Variants in CNBD1 observed in about 807,000 individuals in gnomAD.
CNBD1 encodes cyclic nucleotide binding domain containing 1.
A neutral mutation model predicts 54.4 loss-of-function variants in CNBD1; 71 were observed. That is an observed-to-expected ratio of 1.30 (90% CI 1.08 to 1.59). The LOEUF (loss-of-function observed/expected upper bound fraction) is 1.59. CNBD1 is among the 40% of genes most tolerant of loss of function. The pLI is 0.00. For missense variants in CNBD1, 659 were observed against 518.0 expected (o/e 1.27, Z -2.64); for synonymous variants, 182 against 170.7 (o/e 1.07, Z -0.51).
intron 4 of CNBD1, among the ~76,000 whole-genome samples, chr8:87,171,634 TTC>T (rs772260074): frequency 6.6e-6 from 1 of 151,866 alleles, no homozygotes; most frequent in Non-Finnish European, 1.5e-5. Context: ...CTTTTTCTTT[TTC>T]TTTCTTTTTT....
At position 86,916,484 on chromosome 8, in the gene CNBD1, T is replaced by G. The variant is rs1177652206; in HGVS notation, c.272+11290T>G. ...GCACAGTGTGTTTACTAGAGTTGTA[T>G]GCGTGCTCTCTTGAGGCATTCTTCC... On this transcript the variant is annotated intron_variant, in intron 3 of 10. Transcript: ENST00000518476. Among the ~76,000 whole-genome samples the G allele has an allele frequency of 3.3e-5, 5 of 152,150 alleles. No individual in the cohort carries two copies. In the East Asian group the frequency reaches 9.6e-4, roughly 29 times the overall value.
chr8:87,316,977 C>T (rs1809399464), intron 8 of CNBD1, among the ~76,000 whole-genome samples: 1 of 151,400 alleles, frequency 6.6e-6, no homozygotes, highest in African/African-American at 2.4e-5. Context: ...GTATTATGTC[C>T]TATTTGTGAG....
intron 4 of CNBD1, among the ~76,000 whole-genome samples, chr8:87,029,684 A>C (rs912493322): frequency 6.6e-6 from 1 of 152,292 alleles, no homozygotes; most frequent in African/African-American, 2.4e-5. Context: ...AGGGCCTCAC[A>C]CTATTTTGTT....
chr8:87,114,229 G>A (rs771363138), intron 4 of CNBD1, among the ~76,000 whole-genome samples: 3 of 152,114 alleles, frequency 2.0e-5, no homozygotes, highest in Non-Finnish European at 4.4e-5. Flanking sequence ...ATATATATTG[G>A]CACAATTGGC....
chr8:87,224,601 T>A (rs1488270537), intron 5 of CNBD1, among the ~76,000 whole-genome samples: 1 of 151,720 alleles, frequency 6.6e-6, no homozygotes, highest in African/African-American at 2.4e-5. Context: ...CATTGATCTA[T>A]ATCTCTGTTT....
At chr8:87,009,514 A>G (rs1163279688) in intron 4 of CNBD1, among the ~76,000 whole-genome samples, 1 of 151,838 alleles carries the variant, frequency 6.6e-6, no homozygotes, top group Non-Finnish European at 1.5e-5. Flanking sequence ...GTTAGCCAGG[A>G]TGGTCTCAAT....
intron 8 of CNBD1, among the ~76,000 whole-genome samples, chr8:87,295,960 T>C (rs1359666122): frequency 6.6e-6 from 1 of 152,142 alleles, no homozygotes; most frequent in African/African-American, 2.4e-5. Flanking sequence ...CTTTTAAAAA[T>C]GCGAACTCTT....
At position 87,382,624 on chromosome 8, in the gene CNBD1, CT is replaced by C. The variant is rs747411036; in HGVS notation, c.1309del (p.Ter437ArgfsTer10). The C allele has an allele frequency of 5.2e-6, 8 of 1,536,132 alleles. No individual in the cohort carries two copies. The African/African-American group carries it at 1.1e-4, about 21-fold the overall frequency. On this transcript the variant is annotated frameshift_variant and stop_lost, in exon 11 of 11. Coordinates refer to ENST00000518476, the MANE Select transcript of CNBD1 (RefSeq NM_173538.3). LOFTEE classifies it high-confidence loss of function. ...TTGTTTGTTTGCCTTTTGCAGTGGC[CT>C]AGATCTAGAAACAACCTCAGTGAAC... ...IIEDKDLFVA[*>X]
chr8:87,282,007 T>G (rs1808610648), intron 6 of CNBD1, among the ~76,000 whole-genome samples: 1 of 151,750 alleles, frequency 6.6e-6, no homozygotes, highest in Admixed American at 6.6e-5. Context: ...CTGTTTTGGT[T>G]ATTTTCTTTG....
At chr8:87,418,037 A>C (rs1391233892) in intron 2 of CNBD1, among the ~76,000 whole-genome samples, 1 of 151,950 alleles carries the variant, frequency 6.6e-6, no homozygotes, top group Admixed American at 6.6e-5. Flanking sequence ...CCGTTTTTGC[A>C]GAAATTGATA....
At chr8:87,210,711 G>C (rs1814078940) in intron 5 of CNBD1, among the ~76,000 whole-genome samples, 2 of 152,258 alleles carry the variant, frequency 1.3e-5, no homozygotes, top group Admixed American at 6.5e-5. Flanking sequence ...AGTGAAGAAG[G>C]CTTGGCAGCC....
chr8:87,267,530 A>T (rs1414987172), intron 6 of CNBD1, among the ~76,000 whole-genome samples: 1 of 152,178 alleles, frequency 6.6e-6, no homozygotes, highest in Non-Finnish European at 1.5e-5. Flanking sequence ...ATCCATAGTC[A>T]TATATTTTAG....
At chr8:87,200,517 GCTGA>G (rs963842299) in intron 4 of CNBD1, among the ~76,000 whole-genome samples, 2 of 151,826 alleles carry the variant, frequency 1.3e-5, no homozygotes, top group Admixed American at 6.6e-5. Flanking sequence ...ATTTACCTAG[GCTGA>G]CTAAGAAAAA....
At chr8:87,353,595 A>G (rs1810350665) in intron 9 of CNBD1, 41 bp from the exon 10 acceptor site, 2 of 1,295,018 alleles carry the variant, frequency 1.5e-6, no homozygotes, top group Non-Finnish European at 2.2e-6. Flanking sequence ...CATTATATGG[A>G]AGCAGTTGCA....
At chr8:87,422,699 A>AG (rs1163891951) in intron 2 of CNBD1, among the ~76,000 whole-genome samples, 1 of 152,086 alleles carries the variant, frequency 6.6e-6, no homozygotes, top group Non-Finnish European at 1.5e-5. Flanking sequence ...GTTTGAAGTC[A>AG]GGTAGTGTGA....
intron 3 of CNBD1, among the ~76,000 whole-genome samples, chr8:86,910,945 C>T (rs1809091142): frequency 6.6e-6 from 1 of 152,268 alleles, no homozygotes; most frequent in South Asian, 2.1e-4. Context: ...AAAAATTGGT[C>T]GGATCAGGTA....
At chr8:87,321,715 T>G (rs1326024657) in intron 8 of CNBD1, among the ~76,000 whole-genome samples, 2 of 152,084 alleles carry the variant, frequency 1.3e-5, no homozygotes, top group Non-Finnish European at 2.9e-5. Flanking sequence ...TTTGTCTATT[T>G]TTGCTTTTTT....
At chr8:87,403,698 C>G (rs982890034) in intron 2 of CNBD1, among the ~76,000 whole-genome samples, 3 of 151,754 alleles carry the variant, frequency 2.0e-5, no homozygotes, top group African/African-American at 7.3e-5. Context: ...ATATTTACGA[C>G]AACAGTTACT....
chr8:87,203,806 C>T (rs1052523694), intron 4 of CNBD1, among the ~76,000 whole-genome samples: 3 of 152,188 alleles, frequency 2.0e-5, no homozygotes, highest in South Asian at 2.1e-4. Context: ...TCCCCTTACA[C>T]GATACACAAT....
Sources: gnomAD v4.1 joint callset for allele counts (sites outside exome capture counted in the v4.1 genomes callset) on GRCh38, gnomAD v4.1.1 for gene constraint, MANE v1.5 for transcripts, NCBI Gene and HGNC (gene_info 2026-07-23, HGNC 2026-07-21) for gene names.